The following ZPBP variants were observed in gnomAD, a reference collection of about 807,000 sequenced individuals.
The protein encoded by ZPBP is zona pellucida-binding protein 1.
A neutral mutation model predicts 44.8 loss-of-function variants in ZPBP; 26 were observed. That is an observed-to-expected ratio of 0.58 (90% CI 0.43 to 0.81). The LOEUF (loss-of-function observed/expected upper bound fraction) is 0.81, where lower values mean the gene tolerates loss of function less well. Ranked by LOEUF, ZPBP falls within the 30% of genes least tolerant of loss-of-function variation. The probability of loss-of-function intolerance (pLI) is 0.00; values close to 1 mark genes in which losing one functional copy is unlikely to be tolerated. For missense variants in ZPBP, 409 were observed against 434.0 expected, an observed-to-expected ratio of 0.94 and a Z score of 0.51; for synonymous variants, 174 against 153.2, an observed-to-expected ratio of 1.14 and a Z score of -1.00.
chr7:49,988,785 A>G (rs1754940835), intron 6 of ZPBP, among the ~76,000 whole-genome samples: 1 of 152,132 alleles, frequency 6.6e-6, no homozygotes, highest in South Asian at 2.1e-4. Flanking sequence ...GGACTCAGGA[A>G]GAGTTGAAAT....
At chr7:49,943,700 T>C (rs1476784580) in intron 7 of ZPBP, 2 of 258,560 alleles carry the variant, frequency 7.7e-6, no homozygotes, top group African/African-American at 4.6e-5. Context: ...TCCCAGGGTT[T>C]ATTCTTTTTC....
chr7:49,970,466 C>CTTTTTTTTTTTTTTTTTT (rs771955717), intron 7 of ZPBP, among the ~76,000 whole-genome samples: 2 of 85,200 alleles, frequency 2.3e-5, no homozygotes, highest in African/African-American at 4.8e-5. Flanking sequence ...GCTGAATATA[C>CTTTTTTTTTTTTTTTTTT]TTTTTTTTTT....
chr7:50,053,684 T>C (rs1188210642), intron 4 of ZPBP, among the ~76,000 whole-genome samples: 2 of 152,220 alleles, frequency 1.3e-5, no homozygotes, highest in African/African-American at 2.4e-5. Flanking sequence ...CTCTGTAACA[T>C]CTTTAGAGCT....
intron 6 of ZPBP, among the ~76,000 whole-genome samples, chr7:50,010,197 G>C (rs936787767): frequency 2.0e-5 from 3 of 152,082 alleles, no homozygotes; most frequent in Admixed American, 6.6e-5. Context: ...CAAGAATACA[G>C]TGGGATGAAT....
chr7:50,034,175 T>C (rs1268707106), intron 4 of ZPBP, among the ~76,000 whole-genome samples: 1 of 151,272 alleles, frequency 6.6e-6, no homozygotes, highest in Non-Finnish European at 1.5e-5. Context: ...GTCCATTTGT[T>C]TTTGAGGGTT....
At chr7:49,943,508 T>C in intron 7 of ZPBP, 1 of 423,330 alleles carries the variant, frequency 2.4e-6, no homozygotes. Flanking sequence ...CTCATCTGTT[T>C]CTTGTCAGTG....
intron 7 of ZPBP, among the ~76,000 whole-genome samples, chr7:49,948,358 C>T (rs1795192404): frequency 6.6e-6 from 1 of 152,108 alleles, no homozygotes; most frequent in Admixed American, 6.6e-5. Flanking sequence ...ATACCAAAAG[C>T]ACAAGAAATA....
At chr7:49,975,999 T>C (rs993492257) in intron 7 of ZPBP, among the ~76,000 whole-genome samples, 2 of 152,208 alleles carry the variant, frequency 1.3e-5, no homozygotes, top group Admixed American at 6.5e-5. Context: ...ATTATTTTAC[T>C]ATCTTTTAGT....
chr7:49,994,943 A>G (rs1449505181), intron 6 of ZPBP, among the ~76,000 whole-genome samples: 1 of 152,180 alleles, frequency 6.6e-6, no homozygotes, highest in Non-Finnish European at 1.5e-5. Context: ...TAAAATATAA[A>G]TAAGCCTCCT....
downstream of ZPBP, among the ~76,000 whole-genome samples, chr7:49,932,469 A>G (rs1410253072): frequency 6.6e-6 from 1 of 152,220 alleles, no homozygotes. Context: ...TTGGACTTGC[A>G]TGGGGCCTGC....
chr7:50,074,138 G>T (rs2128845291), intron 3 of ZPBP, among the ~76,000 whole-genome samples: 1 of 152,024 alleles, frequency 6.6e-6, no homozygotes, highest in South Asian at 2.1e-4. Context: ...AAAGCAGGGG[G>T]ATTAAATTAA....
At chr7:49,994,520 G>A (rs1797722761) in intron 6 of ZPBP, among the ~76,000 whole-genome samples, 1 of 152,196 alleles carries the variant, frequency 6.6e-6, no homozygotes. Context: ...TTATGGCTTA[G>A]TGGGTTAAAT....
At chr7:49,954,139 A>C (rs1031779849) in intron 7 of ZPBP, among the ~76,000 whole-genome samples, 1 of 152,152 alleles carries the variant, frequency 6.6e-6, no homozygotes, top group African/African-American at 2.4e-5. Context: ...AAATAAGCGC[A>C]TATATCCATG....
At chr7:49,907,855 A>C (rs896895909) in intron 1 of ZPBP, among the ~76,000 whole-genome samples, 1 of 152,168 alleles carries the variant, frequency 6.6e-6, no homozygotes, top group African/African-American at 2.4e-5. Flanking sequence ...GGTTAAGATA[A>C]GGGGTTGTGG....
At chr7:49,959,467 G>A (rs1219789482) in intron 7 of ZPBP, among the ~76,000 whole-genome samples, 1 of 151,588 alleles carries the variant, frequency 6.6e-6, no homozygotes, top group African/African-American at 2.4e-5. Context: ...CATGCTAACT[G>A]GAAAATTAAA....
intron 7 of ZPBP, among the ~76,000 whole-genome samples, chr7:49,952,596 G>A (rs1583904101): frequency 6.6e-6 from 1 of 152,072 alleles, no homozygotes; most frequent in East Asian, 1.9e-4. Context: ...CAGGCAGGGT[G>A]GAGGGATCTA....
intron 1 of ZPBP, chr7:49,916,338 A>G (rs1793723687): frequency 6.6e-6 from 1 of 152,146 alleles, no homozygotes; most frequent in Non-Finnish European, 1.5e-5. Context: ...ACCACAGACT[A>G]TACTCTAAAC....
intron 7 of ZPBP, chr7:49,943,009 G>A (rs1794952643): frequency 3.7e-6 from 1 of 267,202 alleles, no homozygotes; most frequent in Admixed American, 4.5e-5. Context: ...CCACGGATTA[G>A]GAGGGTGAAA....
chr7:50,041,063 C>T (rs1219621934), intron 4 of ZPBP, among the ~76,000 whole-genome samples: 1 of 152,182 alleles, frequency 6.6e-6, no homozygotes, highest in African/African-American at 2.4e-5. Flanking sequence ...TGGGTGGAGC[C>T]CACCTCAGCT....
Sources: allele counts gnomAD v4.1 joint callset (sites outside exome capture counted in the v4.1 genomes callset), GRCh38; gene constraint gnomAD v4.1.1; transcripts MANE v1.5; gene names NCBI Gene and HGNC (gene_info 2026-07-23, HGNC 2026-07-21).